Variants in C10orf90 observed in about 807,000 individuals in gnomAD.
The protein encoded by C10orf90 is (E2-independent) E3 ubiquitin-conjugating enzyme FATS.
Under a neutral mutation model 62.5 loss-of-function variants are expected in C10orf90, and 56 were observed. The ratio of observed to expected loss-of-function variants is 0.90; its 90% CI spans 0.72 to 1.12. The LOEUF (loss-of-function observed/expected upper bound fraction) is 1.12. C10orf90 is among the 50% of genes most tolerant of loss of function. The pLI is 0.00. For missense variants in C10orf90, 970 were observed against 880.4 expected (o/e 1.10, Z -1.29); for synonymous variants, 386 against 340.4 (o/e 1.13, Z -1.47).
chr10:126,641,752 T>C (rs981674027), intron 2 of C10orf90, among the ~76,000 whole-genome samples: 1 of 152,164 alleles, frequency 6.6e-6, no homozygotes, highest in African/African-American at 2.4e-5. Flanking sequence ...TAAAAGCAGA[T>C]GTGAGTTTGG....
intron 2 of C10orf90, among the ~76,000 whole-genome samples, chr10:126,573,750 C>G (rs1482890083): frequency 6.6e-6 from 1 of 152,210 alleles, no homozygotes; most frequent in East Asian, 1.9e-4. Flanking sequence ...GTTTCCCTGA[C>G]TGATCCCCAG....
chr10:126,447,375 C>A (rs1202806484), intron 7 of C10orf90, among the ~76,000 whole-genome samples: 3 of 152,050 alleles, frequency 2.0e-5, no homozygotes, highest in Non-Finnish European at 2.9e-5. Flanking sequence ...CTAAAGAGAG[C>A]AGAGGTAGCT....
At chr10:126,533,242 T>C (rs573953232) in intron 2 of C10orf90, among the ~76,000 whole-genome samples, 45 of 152,238 alleles carry the variant, frequency 3.0e-4, no homozygotes, top group Middle Eastern at 6.8e-3. Flanking sequence ...CCTGCTATTG[T>C]ATTATCAAGC....
intron 2 of C10orf90, among the ~76,000 whole-genome samples, chr10:126,597,784 C>T (rs573539430): frequency 1.3e-5 from 2 of 152,212 alleles, no homozygotes; most frequent in East Asian, 3.9e-4. Flanking sequence ...TCTTAGTTTC[C>T]ACCCTTCATT....
intron 1 of C10orf90, among the ~76,000 whole-genome samples, chr10:126,649,448 G>C (rs1846248046): frequency 6.6e-6 from 1 of 151,954 alleles, no homozygotes; most frequent in African/African-American, 2.4e-5. Flanking sequence ...CACTCTATGA[G>C]CTCCCCTCAT....
In C10orf90 at chr10:126,643,445, G is replaced by A. The variant is rs141771881; in HGVS notation, c.313+3120C>T. The stretch of plus-strand genomic sequence containing the variant: ...CTACGGGCCTACTTATGCCTTTTGA[G>A]ATACATGCCTGGCCCACGGATTCCT... On this transcript the variant is annotated intron_variant, in intron 2 of 9. Coordinates refer to ENST00000488181, the MANE Select transcript of C10orf90 (RefSeq NM_001350921.2). Among the ~76,000 whole-genome samples, 294 of 152,294 alleles carry A rather than the reference G, an allele frequency of 1.9e-3. 1 individual carries two copies. The highest frequency in any genetic ancestry group is 6.8e-3 in the African/African-American group (281 of 41,556).
intron 8 of C10orf90, among the ~76,000 whole-genome samples, chr10:126,429,435 T>A (rs1857445326): frequency 2.0e-5 from 3 of 152,164 alleles, no homozygotes; most frequent in Admixed American, 2.0e-4. Flanking sequence ...CTCCTCCTCA[T>A]AAAGTTACCT....
intron 2 of C10orf90, among the ~76,000 whole-genome samples, chr10:126,537,973 G>A (rs1864278065): frequency 6.6e-6 from 1 of 152,302 alleles, no homozygotes; most frequent in East Asian, 1.9e-4. Context: ...CAGACATACA[G>A]TGGAAGAAAG....
chr10:126,641,540 A>T (rs915281729), intron 2 of C10orf90, among the ~76,000 whole-genome samples: 1 of 151,932 alleles, frequency 6.6e-6, no homozygotes, highest in African/African-American at 2.4e-5. Context: ...GACCTTCATC[A>T]TTTCCCTCTC....
chr10:126,578,624 G>C (rs970958312), intron 2 of C10orf90, among the ~76,000 whole-genome samples: 1 of 152,134 alleles, frequency 6.6e-6, no homozygotes, highest in Non-Finnish European at 1.5e-5. Context: ...CAATAGAAAT[G>C]CTTACGTATG....
intron 2 of C10orf90, among the ~76,000 whole-genome samples, chr10:126,525,985 A>G (rs1310049164): frequency 2.0e-5 from 3 of 151,438 alleles, no homozygotes; most frequent in African/African-American, 7.3e-5. Flanking sequence ...GCACATAAGA[A>G]TCCAAAGCTG....
rs1421164046 is a variant in C10orf90, at chr10:126,649,062, C to A, written c.241-2425G>T. Among the ~76,000 whole-genome samples the A allele has an allele frequency of 8.1e-5, 5 of 62,048 alleles. No homozygotes were observed. In the Admixed American group the frequency reaches 8.3e-4, roughly 10 times the overall value. 40.7% of individuals were successfully genotyped at this position (62,048 alleles called of 152,430 possible). A position where few individuals can be genotyped will look rare whatever the true frequency, so the allele number is the denominator to read the frequency against. ...TCTCTCTCTCTCTCTCTCTCTCTCT[C>A]TCTCTCTCTCCCCCCCCCCCAGCAA... On this transcript the variant is annotated intron_variant, in intron 1 of 9. Transcript: ENST00000488181.
intron 2 of C10orf90, among the ~76,000 whole-genome samples, chr10:126,565,647 A>G (rs913711966): frequency 1.3e-4 from 19 of 151,760 alleles, no homozygotes; most frequent in African/African-American, 4.6e-4. Flanking sequence ...AGGAACTTCA[A>G]AGCTCCTTGT....
intron 2 of C10orf90, among the ~76,000 whole-genome samples, chr10:126,626,577 G>A (rs1290781451): frequency 1.3e-5 from 2 of 152,192 alleles, no homozygotes; most frequent in Non-Finnish European, 2.9e-5. Context: ...CCAACTTAAG[G>A]AAGCATTACT....
intron 4 of C10orf90, 86 bp downstream of exon 4, chr10:126,503,871 A>G (rs1862541550): frequency 1.4e-6 from 2 of 1,477,188 alleles, no homozygotes; most frequent in Non-Finnish European, 1.8e-6. Context: ...CTCTTAGAAT[A>G]AGTTTTGTAT....
intron 2 of C10orf90, among the ~76,000 whole-genome samples, chr10:126,568,116 A>C (rs1844430845): frequency 6.6e-6 from 1 of 152,160 alleles, no homozygotes; most frequent in Non-Finnish European, 1.5e-5. Context: ...GGGAGGAGGC[A>C]GTAGTTTTCT....
chr10:126,540,596 G>T (rs1445889487), intron 2 of C10orf90, among the ~76,000 whole-genome samples: 1 of 151,852 alleles, frequency 6.6e-6, no homozygotes, highest in Non-Finnish European at 1.5e-5. Flanking sequence ...GAGCCAGACG[G>T]TGCAGTGAGC....
chr10:126,575,888 C>T lies in C10orf90; in HGVS notation c.314-61949G>A, dbSNP rs556488169. Among the ~76,000 whole-genome samples, 44 of 152,126 alleles carry T rather than the reference C, an allele frequency of 2.9e-4. 1 individual carries two copies. The South Asian group carries it at 6.2e-3, about 22-fold the overall frequency. On this transcript the variant is annotated intron_variant, in intron 2 of 9. Transcript: ENST00000488181. Reference sequence around the variant, plus strand: ...CACTATAGGCAGAAGAATGAAACTACGTTCCAACCTCTCACCTTGTAAAAA... The same window carrying T: ...CACTATAGGCAGAAGAATGAAACTATGTTCCAACCTCTCACCTTGTAAAAA...
At chr10:126,483,610 A>G (rs74158823) in intron 4 of C10orf90, among the ~76,000 whole-genome samples, 22,704 of 152,228 alleles carry the variant, frequency 0.15, 1,769 homozygotes, top group Middle Eastern at 0.22. Flanking sequence ...AGATCATAAG[A>G]TGTATTCTTA....
Sources: gnomAD v4.1 joint callset for allele counts (sites outside exome capture counted in the v4.1 genomes callset) on GRCh38, gnomAD v4.1.1 for gene constraint, MANE v1.5 for transcripts, NCBI Gene and HGNC (gene_info 2026-07-23, HGNC 2026-07-21) for gene names.